RUNX1T1: variants seen among roughly 807,000 people sequenced by gnomAD.
RUNX1T1 encodes protein CBFA2T1.
Under a neutral mutation model 62.8 loss-of-function variants are expected in RUNX1T1, and 4 were observed. That is an observed-to-expected ratio of 0.06 (90% CI 0.03 to 0.15). The LOEUF (loss-of-function observed/expected upper bound fraction) is 0.15. Ranked by LOEUF, RUNX1T1 falls within the 10% of genes least tolerant of loss-of-function variation. The pLI is 1.00. For missense variants in RUNX1T1, 508 were observed against 754.3 expected (o/e 0.67, Z 3.82); for synonymous variants, 291 against 286.0 (o/e 1.02, Z -0.18).
chr8:92,033,746 C>T (rs1430863747), intron 1 of RUNX1T1, among the ~76,000 whole-genome samples: 1 of 151,974 alleles, frequency 6.6e-6, no homozygotes, highest in Non-Finnish European at 1.5e-5. Flanking sequence ...CTGAAGCGGG[C>T]GGATCATGAG....
At chr8:91,972,456 T>C (rs901544851) in intron 9 of RUNX1T1, among the ~76,000 whole-genome samples, 1 of 152,150 alleles carries the variant, frequency 6.6e-6, no homozygotes, top group Admixed American at 6.5e-5. Context: ...AGATATGCAT[T>C]TAAAATCTGT....
intron 1 of RUNX1T1, among the ~76,000 whole-genome samples, chr8:92,038,976 A>T (rs1827918150): frequency 6.6e-6 from 1 of 152,010 alleles, no homozygotes; most frequent in African/African-American, 2.4e-5. Flanking sequence ...CCTTTATTGT[A>T]GACTATACTG....
chr8:92,095,686 A>C, intron 1 of RUNX1T1: 9 of 516,340 alleles, frequency 1.7e-5, no homozygotes, highest in Non-Finnish European at 2.1e-5. Context: ...GGAAGGAGGG[A>C]TGGAGGAGGG....
chr8:91,956,970 TAAAA>T (rs376835776), downstream of RUNX1T1: 36 of 104,406 alleles, frequency 3.4e-4, no homozygotes, highest in African/African-American at 1.0e-3. Context: ...CACCTACACA[TAAAA>T]AAAAAAAAAA....
At chr8:92,002,922 T>C (rs1440869446) in intron 5 of RUNX1T1, among the ~76,000 whole-genome samples, 2 of 152,172 alleles carry the variant, frequency 1.3e-5, no homozygotes, top group Non-Finnish European at 1.5e-5. Context: ...GAAAAAATAC[T>C]GTAGAGGCCC....
At chr8:92,011,638 A>G (rs1821949069) in intron 3 of RUNX1T1, among the ~76,000 whole-genome samples, 1 of 152,214 alleles carries the variant, frequency 6.6e-6, no homozygotes, top group Admixed American at 6.5e-5. Flanking sequence ...TGCTATGCCA[A>G]TAAAGCCAAA....
intron 1 of RUNX1T1, chr8:92,095,501 G>A (rs1837662663): frequency 6.6e-7 from 1 of 1,517,690 alleles, no homozygotes; most frequent in African/African-American, 1.4e-5. Context: ...GCAGGAGGGA[G>A]AGGAGAGAAG....
intron 1 of RUNX1T1, among the ~76,000 whole-genome samples, chr8:92,041,306 C>T (rs1474881090): frequency 2.1e-4 from 32 of 152,218 alleles, no homozygotes; most frequent in Admixed American, 2.0e-3. Context: ...CACCAATAAC[C>T]CACCATCAAA....
upstream of RUNX1T1, chr8:92,063,528 T>C (rs766898368): frequency 6.6e-6 from 1 of 152,242 alleles, no homozygotes; most frequent in Non-Finnish European, 1.5e-5. Context: ...CCAGGTTCAA[T>C]GGACTCTTCC....
intron 10 of RUNX1T1, among the ~76,000 whole-genome samples, chr8:91,963,509 G>C (rs1194563581): frequency 2.0e-5 from 3 of 152,128 alleles, no homozygotes; most frequent in Non-Finnish European, 4.4e-5. Flanking sequence ...TATTTCTCTT[G>C]GATGCTCTAG....
chr8:92,032,470 G>A (rs1826451007), intron 1 of RUNX1T1, among the ~76,000 whole-genome samples: 1 of 152,092 alleles, frequency 6.6e-6, no homozygotes, highest in Admixed American at 6.6e-5. Context: ...TAACCATGAT[G>A]AGCCAAGACC....
chr8:92,078,312 T>G (rs1347880815), intron 1 of RUNX1T1, among the ~76,000 whole-genome samples: 1 of 151,898 alleles, frequency 6.6e-6, no homozygotes, highest in Non-Finnish European at 1.5e-5. Context: ...GAAATAATAA[T>G]AAAATAAGTA....
intron 10 of RUNX1T1, among the ~76,000 whole-genome samples, chr8:91,962,164 T>G (rs192014567): frequency 1.3e-5 from 2 of 152,330 alleles, no homozygotes; most frequent in Non-Finnish European, 2.9e-5. Context: ...GCCTTTGAAC[T>G]CAAGAACTCC....
chr8:91,963,338 G>A (rs757819037), intron 10 of RUNX1T1, among the ~76,000 whole-genome samples: 3 of 152,064 alleles, frequency 2.0e-5, no homozygotes, highest in Non-Finnish European at 4.4e-5. Flanking sequence ...CAATTTTAAT[G>A]ATCTGGTTAA....
chr8:92,066,135 T>C (rs556228633), upstream of RUNX1T1, among the ~76,000 whole-genome samples: 1 of 152,178 alleles, frequency 6.6e-6, no homozygotes, highest in East Asian at 1.9e-4. Flanking sequence ...GAATAAGGCT[T>C]ATTCTGACTT....
At chr8:91,959,224 G>A in exon 11 of RUNX1T1, 1 of 218,230 alleles carries the variant, frequency 4.6e-6, no homozygotes, top group East Asian at 6.5e-5. Flanking sequence ...ATTTTGGAAA[G>A]GGGCTGGAGC....
chr8:92,044,564 G>C (rs1829052273), intron 1 of RUNX1T1, among the ~76,000 whole-genome samples: 4 of 152,156 alleles, frequency 2.6e-5, no homozygotes, highest in Admixed American at 2.6e-4. Flanking sequence ...TCCATTGCGG[G>C]ACTCTATTCT....
intron 1 of RUNX1T1, among the ~76,000 whole-genome samples, chr8:92,026,702 G>A (rs1231288579): frequency 6.6e-6 from 1 of 152,016 alleles, no homozygotes; most frequent in African/African-American, 2.4e-5. Flanking sequence ...GGCGCCTGTA[G>A]TCCAAGCTAC....
chr8:91,998,862 T>C (rs1276364831), intron 5 of RUNX1T1, among the ~76,000 whole-genome samples: 1 of 152,186 alleles, frequency 6.6e-6, no homozygotes, highest in Admixed American at 6.5e-5. Context: ...TGTGGCTGTT[T>C]TTATTGTATT....
Sources: gnomAD v4.1 joint callset for allele counts (sites outside exome capture counted in the v4.1 genomes callset) on GRCh38, gnomAD v4.1.1 for gene constraint, MANE v1.5 for transcripts, NCBI Gene and HGNC (gene_info 2026-07-23, HGNC 2026-07-21) for gene names.